The following PTPRU variants were observed in gnomAD, a reference collection of about 807,000 sequenced individuals.
PTPRU encodes the protein protein tyrosine phosphatase receptor type U, also known as receptor-type tyrosine-protein phosphatase U.
Under a neutral mutation model 166.3 loss-of-function variants are expected in PTPRU, and 69 were observed. That is an observed-to-expected ratio of 0.41 (90% CI 0.34 to 0.51). PTPRU has a LOEUF of 0.51. PTPRU is among the 20% of genes least tolerant of loss of function. The pLI, the probability that PTPRU is intolerant of heterozygous loss-of-function variation, is 0.09. For missense variants in PTPRU, 1,657 were observed against 2,013.7 expected (o/e 0.82, Z 3.39); for synonymous variants, 793 against 814.0 (o/e 0.97, Z 0.44).
At position 29,259,871 on chromosome 1, in the gene PTPRU, G is replaced by C; in HGVS notation, c.677G>C (p.Arg226Pro). Reference sequence around the variant, plus strand: ...ACCCCCTCACTCTCTTCCCTGCAGCGGCAGAGCGGGGCGCTGGTGCCGGCG... The same window carrying C: ...ACCCCCTCACTCTCTTCCCTGCAGCCGCAGAGCGGGGCGCTGGTGCCGGCG... Reference protein sequence around the residue: ...AAEAERFLLQRQSGALVPAAG... With the variant: ...AAEAERFLLQPQSGALVPAAG... The change falls in exon 6 of 30, where the codon CGG becomes CCG. Residue 226 changes from arginine to proline, a missense_variant and splice_region_variant. Physicochemically the swap from Arg to Pro is moderately radical, Grantham distance 103. This residue lies in a region of PTPRU where 453 missense variants were observed against 496.9 expected (regional missense o/e 0.91). Transcript: ENST00000373779. 7.8e-6 allele frequency: 12 copies of C among 1,529,716 alleles called. No individual in the cohort carries two copies. Among genetic ancestry groups the C allele is most frequent in the Non-Finnish European group, 9.6e-6 (11 of 1,144,582 alleles). The allele number at this position is 1,529,716 out of a possible 1,614,324, so 94.8% of individuals were successfully genotyped here. A position where few individuals can be genotyped will look rare whatever the true frequency, so the allele number is the denominator to read the frequency against.
chr1:29,277,803 C>CTTTTTTTTTTTTTTTTTT lies in PTPRU; in HGVS notation c.1454-1193_1454-1176dup, dbSNP rs71586898. 6.9e-4 allele frequency among the ~76,000 whole-genome samples: 35 copies of CTTTTTTTTTTTTTTTTTT among 50,590 alleles called. 4 individuals carry two copies. Among genetic ancestry groups the CTTTTTTTTTTTTTTTTTT allele is most frequent in the Non-Finnish European group, 9.2e-4 (28 of 30,356 alleles). The allele number at this position is 50,590 out of a possible 152,430, so 33.2% of individuals were successfully genotyped here. ...ACCATCTGGCTTCACAGTTGTCATT[C>CTTTTTTTTTTTTTTTTTT]TTTTTTTTTTTTTTTTTTTTTTTTT... is the stretch of plus-strand genomic sequence containing the variant. On this transcript the variant is annotated intron_variant, in intron 8 of 29. Transcript: ENST00000373779.
At chr1:29,295,971 A>T (rs749049069) in intron 15 of PTPRU, among the ~76,000 whole-genome samples, 9 of 152,136 alleles carry the variant, frequency 5.9e-5, no homozygotes, top group Non-Finnish European at 1.3e-4. Flanking sequence ...GATTACAGGC[A>T]TGAGCCACCG....
chr1:29,250,991 C>T (rs1223628467), intron 1 of PTPRU, among the ~76,000 whole-genome samples: 1 of 152,204 alleles, frequency 6.6e-6, no homozygotes, highest in African/African-American at 2.4e-5. Context: ...GTGGCTCATG[C>T]CTGTAATCCC....
At chr1:29,251,985 C>G (rs1346869891) in intron 1 of PTPRU, among the ~76,000 whole-genome samples, 3 of 152,210 alleles carry the variant, frequency 2.0e-5, no homozygotes, top group Non-Finnish European at 4.4e-5. Flanking sequence ...CACTGTGGGT[C>G]TTTTTCTACA....
intron 29 of PTPRU, 132 bp downstream of exon 29, chr1:29,325,458 A>G (rs1688368143): frequency 6.7e-6 from 10 of 1,500,832 alleles, no homozygotes; most frequent in Non-Finnish European, 8.3e-6. Context: ...GTCCTAAAAC[A>G]TTACCCCCAT....
At position 29,280,256 on chromosome 1, in the gene PTPRU, G is replaced by T. The variant is rs947861037; in HGVS notation, c.1868+115G>T. 2 of 1,032,476 alleles carry T rather than the reference G, an allele frequency of 1.9e-6. No individual in the cohort carries two copies. The highest frequency in any genetic ancestry group is 1.6e-5 in the African/African-American group (1 of 62,698). 64.0% of individuals were successfully genotyped at this position (1,032,476 alleles called of 1,614,324 possible). ...CCCTTTTCCTCCCTCAGTCTCCCACGCAGGGCTTGGAGTGTCTGGAGGAGA... is the reference window on the plus strand; with the variant it reads ...CCCTTTTCCTCCCTCAGTCTCCCACTCAGGGCTTGGAGTGTCTGGAGGAGA... On this transcript the variant is annotated intron_variant, in intron 11 of 29. Coordinates refer to ENST00000373779, the MANE Select transcript of PTPRU (RefSeq NM_133178.4). The surrounding 1 kb of genome is among the most constrained non-coding windows in gnomAD (Gnocchi z 4.2).
intron 18 of PTPRU, chr1:29,305,641 A>C (rs1172445286): frequency 4.0e-6 from 3 of 746,050 alleles, no homozygotes; most frequent in African/African-American, 1.7e-5. Context: ...AGTTGGCCTG[A>C]GAGATGAGGT....
At chr1:29,255,197 G>A in intron 1 of PTPRU, 78 bp from the exon 2 acceptor site, 1 of 1,507,358 alleles carries the variant, frequency 6.6e-7, no homozygotes, top group African/African-American at 1.4e-5. Context: ...GTAGAAGGGA[G>A]AGTGGGGCTA....
In PTPRU at chr1:29,304,026, G is replaced by T. The variant is rs1259656755; in HGVS notation, c.2648G>T (p.Gly883Val). 6.2e-7 allele frequency: 1 copy of T among 1,609,390 alleles called. No homozygotes were observed. Among genetic ancestry groups the T allele is most frequent in the Non-Finnish European group, 8.5e-7 (1 of 1,177,584 alleles). ...CAGATGAAGACGGCCGAGGGTTACG[G>T]CTTCAAGCAGGAGTATGAGGTGCAC... ...INQMKTAEGY[G>V]FKQEYESFFE... is the part of the protein sequence containing the mutation. Residue 883 changes from glycine to valine, a missense_variant, in exon 16 of 30, where the codon GGC becomes GTC. Physicochemically the swap from Gly to Val is moderately radical, Grantham distance 109 (BLOSUM62 -3). Around this residue, in one of 3 missense-constraint regions of PTPRU, gnomAD observed 1,190 missense variants for 1,477.4 expected, o/e 0.81. Transcript: ENST00000373779.
chr1:29,245,161 A>G (rs1201944577), intron 1 of PTPRU, among the ~76,000 whole-genome samples: 1 of 152,154 alleles, frequency 6.6e-6, no homozygotes, highest in Non-Finnish European at 1.5e-5. Context: ...GAGCTTTACC[A>G]GCAGAATTTG....
chr1:29,282,901 T>G lies in PTPRU; in HGVS notation c.2094T>G (p.Pro698=). The part of the protein sequence containing the change: ...YRGFWNPPLE[P]RKAYLIYFQA... The stretch of plus-strand genomic sequence containing the variant: ...GCTTCTGGAACCCACCACTTGAGCC[T>G]AGGAAGGCCTATCTCATCTACTTCC... The change falls in exon 12 of 30, where the codon CCT becomes CCG. Residue 698 remains proline, a synonymous_variant. Transcript: ENST00000373779. 1.2e-6 allele frequency: 2 copies of G among 1,613,968 alleles called. No individual in the cohort carries two copies. Among genetic ancestry groups the G allele is most frequent in the Non-Finnish European group, 1.7e-6 (2 of 1,179,970 alleles).
At position 29,236,729 on chromosome 1, in the gene PTPRU, G is replaced by GCGGCCGGACCGAGC; in HGVS notation, c.73+14_73+27dup. ...CGAGACTCCGGCAGGTAAGCGCGCG[G>GCGGCCGGACCGAGC]CGGCCGGACCGAGCCTGCCCCGCCG... On this transcript the variant is annotated intron_variant, in intron 1 of 29. Coordinates refer to ENST00000373779, the MANE Select transcript of PTPRU (RefSeq NM_133178.4). This position sits in a 1 kb window ranked among gnomAD's most constrained non-coding sequence, Gnocchi z 4.6. The GCGGCCGGACCGAGC allele has an allele frequency of 7.0e-7, 1 of 1,426,216 alleles. No individual in the cohort carries two copies. Among genetic ancestry groups the GCGGCCGGACCGAGC allele is most frequent in the Non-Finnish European group, 9.1e-7 (1 of 1,092,954 alleles). The allele number at this position is 1,426,216 out of a possible 1,614,324, so 88.3% of individuals were successfully genotyped here. A position where few individuals can be genotyped will look rare whatever the true frequency, so the allele number is the denominator to read the frequency against.
At chr1:29,239,419 A>G (rs2151936930) in intron 1 of PTPRU, among the ~76,000 whole-genome samples, 1 of 152,306 alleles carries the variant, frequency 6.6e-6, no homozygotes, top group African/African-American at 2.4e-5. Context: ...TGGGCAATAA[A>G]GGCTTGTCTG....
chr1:29,318,000 A>G lies in PTPRU; in HGVS notation c.3687+79A>G. ...GGAAGGTCCAGGGGCCACGGGAACAAAGCTGAAGGCTCTGTTGGGGGGACC... is the reference window on the plus strand; with the variant it reads ...GGAAGGTCCAGGGGCCACGGGAACAGAGCTGAAGGCTCTGTTGGGGGGACC... On this transcript the variant is annotated intron_variant, in intron 25 of 29. Transcript: ENST00000373779. The surrounding 1 kb of genome is among the most constrained non-coding windows in gnomAD (Gnocchi z 5.6). 1 of 1,529,270 alleles carries G rather than the reference A, an allele frequency of 6.5e-7. No individual in the cohort carries two copies. 94.7% of individuals were successfully genotyped at this position (1,529,270 alleles called of 1,614,324 possible).
At position 29,303,868 on chromosome 1, in the gene PTPRU, C is replaced by T. The variant is rs771530684; in HGVS notation, c.2490C>T (p.Ser830=). The T allele has an allele frequency of 1.8e-5, 29 of 1,610,250 alleles. No homozygotes were observed. The highest frequency in any genetic ancestry group is 8.4e-5 in the Admixed American group (5 of 59,804). Residue 830 remains serine (S), a synonymous_variant, in exon 16 of 30, where the codon AGC becomes AGT. Coordinates refer to ENST00000373779, the MANE Select transcript of PTPRU (RefSeq NM_133178.4). ...CTCTGACTGCAGGAGACCAGCGCAG[C>T]GGTGGGGTCACTGAGGCCAGCAGCC... ...HGYSTRGDQR[S]GGVTEASSLL...
rs1382783311 is a variant in PTPRU at position 29,260,930 on chromosome 1, C to T, written c.1144+27C>T. 3 of 1,507,692 alleles carry T rather than the reference C, an allele frequency of 2.0e-6. No homozygotes were observed. The highest frequency in any genetic ancestry group is 1.4e-5 in the African/African-American group (1 of 71,422). The allele number at this position is 1,507,692 out of a possible 1,614,324, so 93.4% of individuals were successfully genotyped here. A position where few individuals can be genotyped will look rare whatever the true frequency, so the allele number is the denominator to read the frequency against. ...TGGGTGCAGCAGCTACCCCTGGCCT[C>T]AGTCTCTGGTGGGCCCAGGGCTATG... On this transcript the variant is annotated intron_variant, in intron 7 of 29. Coordinates refer to ENST00000373779, the MANE Select transcript of PTPRU (RefSeq NM_133178.4). This position sits in a 1 kb window ranked among gnomAD's most constrained non-coding sequence, Gnocchi z 8.3.
At chr1:29,325,499 C>A in intron 29 of PTPRU, 100 bp from the exon 30 acceptor site, 1 of 1,514,010 alleles carries the variant, frequency 6.6e-7, no homozygotes, top group Non-Finnish European at 9.1e-7. Context: ...CGGGCCTGGG[C>A]TCGGGCTCGT....
At chr1:29,322,815 T>C (rs1162207958) in intron 26 of PTPRU, among the ~76,000 whole-genome samples, 1 of 152,086 alleles carries the variant, frequency 6.6e-6, no homozygotes, top group Non-Finnish European at 1.5e-5. Context: ...TGTTAGGTCA[T>C]AGGGCTGTAC....
At chr1:29,298,745 AG>A (rs1687007717) in intron 15 of PTPRU, among the ~76,000 whole-genome samples, 1 of 152,182 alleles carries the variant, frequency 6.6e-6, no homozygotes, top group Non-Finnish European at 1.5e-5. Flanking sequence ...TGGGGACAGC[AG>A]GGTCTCAGAG....
Sources: allele counts gnomAD v4.1 joint callset (sites outside exome capture counted in the v4.1 genomes callset), GRCh38; gene constraint gnomAD v4.1.1; regional missense constraint gnomAD v4.1.1; non-coding constraint Gnocchi (gnomAD v3.1); transcripts MANE v1.5; gene names NCBI Gene and HGNC (gene_info 2026-07-23, HGNC 2026-07-21).